AK5: variants seen among roughly 807,000 people sequenced by gnomAD.
AK5 encodes the protein adenylate kinase isoenzyme 5.
In AK5, 27 loss-of-function variants were observed where a neutral mutation model predicts 69.5. The observed-to-expected ratio is 0.39, with a 90% CI of 0.29 to 0.54. AK5 has a LOEUF of 0.54. AK5 is among the 20% of genes least tolerant of loss of function. The pLI is 0.71. For synonymous variants in AK5, 260 were observed against 244.4 expected (o/e 1.06, Z -0.60); for missense variants, 531 against 700.4 (o/e 0.76, Z 2.73).
intron 12 of AK5, among the ~76,000 whole-genome samples, chr1:77,534,829 C>T (rs956937738): frequency 2.6e-5 from 4 of 152,142 alleles, no homozygotes; most frequent in Non-Finnish European, 5.9e-5. Flanking sequence ...AGCGAGACCC[C>T]ATCTCTTACA....
chr1:77,294,687 G>T (rs1388747507), intron 3 of AK5, among the ~76,000 whole-genome samples: 1 of 152,014 alleles, frequency 6.6e-6, no homozygotes, highest in Non-Finnish European at 1.5e-5. Context: ...TTTAAAAGTT[G>T]CCACTATGAA....
intron 10 of AK5, among the ~76,000 whole-genome samples, chr1:77,487,860 G>C (rs1375974404): frequency 6.6e-6 from 1 of 152,180 alleles, no homozygotes; most frequent in Non-Finnish European, 1.5e-5. Context: ...TTGGACCCCT[G>C]CTGGGCAGTG....
chr1:77,367,854 A>AATATATGTTATATATATT (rs1557534388), intron 6 of AK5, among the ~76,000 whole-genome samples: 3 of 2,214 alleles, frequency 1.4e-3, no homozygotes, highest in Non-Finnish European at 2.3e-3. Context: ...TATTATATAT[A>AATATATGTTATATATATT]ATATATAATA....
At chr1:77,371,687 C>A (rs1647124740) in intron 6 of AK5, among the ~76,000 whole-genome samples, 1 of 152,146 alleles carries the variant, frequency 6.6e-6, no homozygotes, top group Non-Finnish European at 1.5e-5. Context: ...AAATGAATAA[C>A]TCCTCCTCTA....
At chr1:77,376,935 G>T (rs1376009414) in intron 6 of AK5, among the ~76,000 whole-genome samples, 1 of 152,068 alleles carries the variant, frequency 6.6e-6, no homozygotes, top group Non-Finnish European at 1.5e-5. Context: ...GAAAAGAAAG[G>T]AAATATAGAA....
At chr1:77,436,383 A>C (rs1161888779) in intron 8 of AK5, among the ~76,000 whole-genome samples, 3 of 151,810 alleles carry the variant, frequency 2.0e-5, no homozygotes, top group Non-Finnish European at 4.4e-5. Flanking sequence ...TTAATTTCTA[A>C]TGAAAGTGTA....
chr1:77,531,999 C>CGGCCGGCG (rs1447420775), intron 12 of AK5: 1 of 139,334 alleles, frequency 7.2e-6, no homozygotes, highest in Admixed American at 6.9e-5. Flanking sequence ...TCCGGCCGGC[C>CGGCCGGCG]GGCCGGCCGC....
intron 8 of AK5, among the ~76,000 whole-genome samples, chr1:77,475,418 CTATATATTATATATATGTATATATATT>C (rs1654839169): frequency 2.4e-5 from 2 of 82,012 alleles, no homozygotes; most frequent in Non-Finnish European, 4.5e-5. Context: ...TATATATATA[CTATATATTATATATATGTATATATATT>C]ATATATATAC....
chr1:77,531,049 T>C (rs1168803905), intron 12 of AK5, among the ~76,000 whole-genome samples: 1 of 152,168 alleles, frequency 6.6e-6, no homozygotes. Flanking sequence ...TTGGTCTCAC[T>C]GACTTAAAGA....
chr1:77,337,024 C>T (rs1025246019), intron 5 of AK5, among the ~76,000 whole-genome samples: 5 of 152,266 alleles, frequency 3.3e-5, no homozygotes, highest in Middle Eastern at 6.8e-3. Flanking sequence ...TCATCTTTTT[C>T]AGGCCTGAAG....
chr1:77,313,927 C>T (rs759280164), intron 5 of AK5: 2 of 510,554 alleles, frequency 3.9e-6, no homozygotes, highest in Non-Finnish European at 4.0e-6. Context: ...AAGTCTTTGC[C>T]TCTGCCTGCC....
chr1:77,475,594 G>C (rs1386000387), intron 8 of AK5, among the ~76,000 whole-genome samples: 1 of 145,250 alleles, frequency 6.9e-6, no homozygotes, highest in Admixed American at 7.1e-5. Flanking sequence ...TATGGATCCT[G>C]TATATATGTA....
chr1:77,470,846 TATATATATATATATATATATA>T (rs1347329555), intron 8 of AK5, among the ~76,000 whole-genome samples: 463 of 27,170 alleles, frequency 0.017, 57 homozygotes, highest in East Asian at 0.15. Context: ...TATATATATA[TATATATATATATATATATATA>T]TATATATATT....
intron 10 of AK5, among the ~76,000 whole-genome samples, chr1:77,508,559 C>T (rs1327637453): frequency 6.6e-6 from 1 of 152,192 alleles, no homozygotes; most frequent in African/African-American, 2.4e-5. Context: ...TCCCTTGGAA[C>T]TCTTAACTTC....
At chr1:77,379,603 T>G (rs1038066678) in intron 6 of AK5, among the ~76,000 whole-genome samples, 1 of 152,206 alleles carries the variant, frequency 6.6e-6, no homozygotes, top group Non-Finnish European at 1.5e-5. Flanking sequence ...GTTATAAATT[T>G]ATGACTTAAT....
intron 8 of AK5, among the ~76,000 whole-genome samples, chr1:77,460,270 T>G (rs1653751246): frequency 6.6e-6 from 1 of 152,024 alleles, no homozygotes; most frequent in Admixed American, 6.5e-5. Flanking sequence ...GCTAGCTTCA[T>G]TACAAAAGAT....
intron 5 of AK5, chr1:77,314,055 T>C (rs1249397908): frequency 2.7e-6 from 1 of 365,378 alleles, no homozygotes; most frequent in African/African-American, 2.1e-5. Flanking sequence ...ATTGAACATA[T>C]ATTGAGAATT....
chr1:77,295,315 A>G (rs778231412), intron 3 of AK5, among the ~76,000 whole-genome samples: 1 of 152,234 alleles, frequency 6.6e-6, no homozygotes, highest in Non-Finnish European at 1.5e-5. Flanking sequence ...ACACCAAGCT[A>G]TAACAAGAAT....
At chr1:77,437,439 T>G (rs1188394735) in intron 8 of AK5, among the ~76,000 whole-genome samples, 1 of 152,118 alleles carries the variant, frequency 6.6e-6, no homozygotes, top group African/African-American at 2.4e-5. Flanking sequence ...AAAGGACAGT[T>G]GAATCCAAAT....
Sources: allele counts gnomAD v4.1 joint callset (sites outside exome capture counted in the v4.1 genomes callset), GRCh38; gene constraint gnomAD v4.1.1; transcripts MANE v1.5; gene names NCBI Gene and HGNC (gene_info 2026-07-23, HGNC 2026-07-21).